CDH12: variants seen among roughly 807,000 people sequenced by gnomAD.
CDH12 encodes the protein cadherin 12.
A neutral mutation model predicts 74.1 loss-of-function variants in CDH12; 41 were observed. That is an observed-to-expected ratio of 0.55 (90% CI 0.43 to 0.72). The LOEUF (loss-of-function observed/expected upper bound fraction) is 0.72, where lower values mean the gene tolerates loss of function less well. Ranked by LOEUF, CDH12 falls within the 30% of genes least tolerant of loss-of-function variation. The pLI, the probability that CDH12 is intolerant of heterozygous loss-of-function variation, is 0.00. For missense variants in CDH12, 945 were observed against 977.2 expected (o/e 0.97, Z 0.44); for synonymous variants, 399 against 355.0 (o/e 1.12, Z -1.39).
chr5:22,550,071 T>G (rs1293633851), intron 1 of CDH12, among the ~76,000 whole-genome samples: 1 of 152,198 alleles, frequency 6.6e-6, no homozygotes, highest in African/African-American at 2.4e-5. Context: ...TCTCACACAC[T>G]TAGCTATCAC....
intron 1 of CDH12, among the ~76,000 whole-genome samples, chr5:22,549,128 T>TTTTTTTTTG (rs1738455034): frequency 1.9e-5 from 2 of 107,428 alleles, no homozygotes; most frequent in Admixed American, 1.5e-4. Context: ...GTTTATTTGT[T>TTTTTTTTTG]TTTTTTTTGT....
rs570385295 is a variant in CDH12 at position 22,191,999 on chromosome 5, G to A, written c.-187+20499C>T. ...CTCCCAGGCTGGAGTGCAGTGGCCTGATCTTGGCTCACAGCAACCTCTGCC... is the reference window on the plus strand; with the variant it reads ...CTCCCAGGCTGGAGTGCAGTGGCCTAATCTTGGCTCACAGCAACCTCTGCC... On this transcript the variant is annotated intron_variant, in intron 4 of 14. Transcript: ENST00000382254. 2.0e-5 allele frequency among the ~76,000 whole-genome samples: 3 copies of A among 152,252 alleles called. No homozygotes were observed. In the East Asian group the frequency reaches 5.8e-4, roughly 29 times the overall value.
intron 1 of CDH12, among the ~76,000 whole-genome samples, chr5:22,678,042 C>CA (rs1741293882): frequency 3.0e-5 from 2 of 67,158 alleles, no homozygotes; most frequent in Admixed American, 1.4e-4. Flanking sequence ...ATACCATCCT[C>CA]ATGGGGGGGG....
At chr5:21,999,597 T>A (rs1736491868) in intron 5 of CDH12, among the ~76,000 whole-genome samples, 1 of 152,048 alleles carries the variant, frequency 6.6e-6, no homozygotes, top group Non-Finnish European at 1.5e-5. Flanking sequence ...TAAATCTGAG[T>A]ATTAGTGAAC....
intron 6 of CDH12, among the ~76,000 whole-genome samples, chr5:21,959,924 CAA>C (rs1201352707): frequency 3.6e-4 from 18 of 49,780 alleles, no homozygotes; most frequent in African/African-American, 9.3e-4. Flanking sequence ...GGCTCCATCT[CAA>C]AAAAAAAAAA....
rs1554000139 is a variant in CDH12 at position 22,764,067 on chromosome 5, T to TATTC, written c.-523+88990_-523+88991insGAAT. Among the ~76,000 whole-genome samples, 522 of 151,278 alleles carry TATTC rather than the reference T, an allele frequency of 3.5e-3. 1 individual carries two copies. Among genetic ancestry groups the TATTC allele is most frequent in the African/African-American group, 0.012 (505 of 41,342 alleles). ...AACCAGTGAAAGTTTAGTGTGTAAA[T>TATTC]ACACGTGCTTTTTACATTTGTTTTT... On this transcript the variant is annotated intron_variant, in intron 1 of 14. Coordinates refer to ENST00000382254, the MANE Select transcript of CDH12 (RefSeq NM_004061.5).
At chr5:22,043,941 T>A (rs1037994773) in intron 5 of CDH12, among the ~76,000 whole-genome samples, 1 of 152,108 alleles carries the variant, frequency 6.6e-6, no homozygotes, top group Non-Finnish European at 1.5e-5. Flanking sequence ...TTCAAGAGGT[T>A]ACAAATAAGT....
intron 1 of CDH12, among the ~76,000 whole-genome samples, chr5:22,694,273 A>C (rs2126948133): frequency 6.6e-6 from 1 of 152,350 alleles, no homozygotes; most frequent in South Asian, 2.1e-4. Context: ...ACTTAAAATA[A>C]CAAATTGCTT....
chr5:21,995,815 A>AT (rs1012915969), intron 5 of CDH12, among the ~76,000 whole-genome samples: 1 of 151,998 alleles, frequency 6.6e-6, no homozygotes, highest in Admixed American at 6.6e-5. Flanking sequence ...TGCTGATTGC[A>AT]TAAAAAAAAG....
At chr5:21,891,601 A>ACACACT (rs762795304) in intron 6 of CDH12, among the ~76,000 whole-genome samples, 60 of 150,334 alleles carry the variant, frequency 4.0e-4, no homozygotes, top group African/African-American at 6.4e-4. Context: ...ACACACACAC[A>ACACACT]CTCTTTCTGG....
At chr5:22,628,501 G>T (rs1738413630) in intron 1 of CDH12, among the ~76,000 whole-genome samples, 1 of 152,118 alleles carries the variant, frequency 6.6e-6, no homozygotes, top group Admixed American at 6.5e-5. Flanking sequence ...AATGACTTTT[G>T]CATAAACAAT....
chr5:22,784,925 A>T (rs1747550903), intron 1 of CDH12, among the ~76,000 whole-genome samples: 1 of 152,190 alleles, frequency 6.6e-6, no homozygotes, highest in Non-Finnish European at 1.5e-5. Context: ...ATTTCAAGTG[A>T]ATAGTAATAT....
intron 5 of CDH12, among the ~76,000 whole-genome samples, chr5:21,995,163 A>G (rs908827134): frequency 2.0e-5 from 3 of 151,908 alleles, no homozygotes; most frequent in African/African-American, 7.3e-5. Context: ...GAACTGGAAC[A>G]CTCACCGCGA....
chr5:22,126,763 C>T (rs1351998968), intron 4 of CDH12, among the ~76,000 whole-genome samples: 1 of 152,120 alleles, frequency 6.6e-6, no homozygotes, highest in African/African-American at 2.4e-5. Flanking sequence ...CAGCCACTTG[C>T]AGAAATGGCG....
intron 5 of CDH12, among the ~76,000 whole-genome samples, chr5:21,978,549 G>C (rs1757166346): frequency 1.3e-5 from 2 of 151,906 alleles, no homozygotes; most frequent in Non-Finnish European, 2.9e-5. Flanking sequence ...ATATTTCTCT[G>C]CTTGTATCTA....
chr5:22,537,853 C>T (rs912194742), intron 1 of CDH12, among the ~76,000 whole-genome samples: 1 of 152,210 alleles, frequency 6.6e-6, no homozygotes, highest in African/African-American at 2.4e-5. Context: ...CTTACAGTAT[C>T]ACTTCTGAAG....
At chr5:22,004,992 T>C (rs575288157) in intron 5 of CDH12, among the ~76,000 whole-genome samples, 3 of 152,288 alleles carry the variant, frequency 2.0e-5, no homozygotes, top group South Asian at 2.1e-4. Context: ...TTTTTATGGA[T>C]GGTATATGTA....
At chr5:22,244,748 GA>G (rs1222756474) in intron 3 of CDH12, among the ~76,000 whole-genome samples, 3 of 40,442 alleles carry the variant, frequency 7.4e-5, no homozygotes, top group South Asian at 1.2e-3. Flanking sequence ...AGAAAAGAAA[GA>G]AAGAAAGAAA....
chr5:22,518,270 G>A (rs1229420228), intron 1 of CDH12, among the ~76,000 whole-genome samples: 1 of 152,204 alleles, frequency 6.6e-6, no homozygotes, highest in East Asian at 1.9e-4. Flanking sequence ...ACTGTCAAAT[G>A]TCTCATTCCT....
Sources: gnomAD v4.1 joint callset for allele counts (sites outside exome capture counted in the v4.1 genomes callset) on GRCh38, gnomAD v4.1.1 for gene constraint, MANE v1.5 for transcripts, NCBI Gene and HGNC (gene_info 2026-07-23, HGNC 2026-07-21) for gene names.